KLRK1: variants seen among roughly 807,000 people sequenced by gnomAD.
KLRK1 encodes the protein NKG2-D type II integral membrane protein.
Under a neutral mutation model 31.3 loss-of-function variants are expected in KLRK1, and 40 were observed. That is an observed-to-expected ratio of 1.28 (90% CI 0.99 to 1.67). The LOEUF is 1.67. KLRK1 is among the 40% of genes most tolerant of loss of function. KLRK1 has a pLI of 0.00. For missense variants in KLRK1, 251 were observed against 260.0 expected (o/e 0.97, Z 0.24); for synonymous variants, 77 against 77.3 (o/e 1.00, Z 0.02).
chr12:10,385,371 C>CACACACACACACACACAA (rs1863149115), intron 3 of KLRK1, among the ~76,000 whole-genome samples: 1 of 125,778 alleles, frequency 8.0e-6, no homozygotes, highest in African/African-American at 3.5e-5. Context: ...CACACAGACA[C>CACACACACACACACACAA]ACACACACAC....
intron 6 of KLRK1, 121 bp downstream of exon 6, chr12:10,378,433 A>G (rs948368310): frequency 1.4e-6 from 2 of 1,472,858 alleles, no homozygotes; most frequent in African/African-American, 2.9e-5. Context: ...AGAAAGATTT[A>G]GGGTTGGTAT....
Position 10,372,666 on chromosome 12 carries a change from ATGACCCCC to A in KLRK1, c.*440_*447del. On this transcript the variant is annotated 3_prime_UTR_variant, in exon 8 of 8. Transcript: ENST00000240618. ...TGGAGGACCCATTAAAAGTGGCAGC[ATGACCCCC>A]ACAGGCAGGGAAGGCACTGCCCATG... is the stretch of plus-strand genomic sequence containing the variant. 1 of 191,764 alleles carries A rather than the reference ATGACCCCC, an allele frequency of 5.2e-6. No individual in the cohort carries two copies. Among genetic ancestry groups the A allele is most frequent in the Non-Finnish European group, 1.0e-5 (1 of 95,430 alleles). The allele number at this position is 191,764 out of a possible 1,614,324, so 11.9% of individuals were successfully genotyped here. A position where few individuals can be genotyped will look rare whatever the true frequency, so the allele number is the denominator to read the frequency against.
At chr12:10,388,648 T>C in intron 2 of KLRK1, 123 bp downstream of exon 2, 1 of 1,141,522 alleles carries the variant, frequency 8.8e-7, no homozygotes, top group Non-Finnish European at 1.2e-6. Context: ...GAAATCAACA[T>C]AAATAGAACA....
intron 3 of KLRK1, among the ~76,000 whole-genome samples, chr12:10,380,059 G>GTTTT (rs1162094591): frequency 1.1e-3 from 89 of 83,706 alleles, no homozygotes; most frequent in Middle Eastern, 9.4e-3. Flanking sequence ...TGTTGTTATT[G>GTTTT]TTTTTTTTTT....
At chr12:10,382,822 C>T (rs1423175825) in intron 3 of KLRK1, among the ~76,000 whole-genome samples, 1 of 152,154 alleles carries the variant, frequency 6.6e-6, no homozygotes, top group Non-Finnish European at 1.5e-5. Flanking sequence ...TAAATCCATA[C>T]AAACATAAGT....
At position 10,375,030 on chromosome 12, in the gene KLRK1, A is replaced by AAT. The variant is rs1862937951; in HGVS notation, c.534-1801_534-1800dup. 4.9e-5 allele frequency among the ~76,000 whole-genome samples: 5 copies of AAT among 101,892 alleles called. No homozygotes were observed. The South Asian group carries it at 1.4e-3, about 29-fold the overall frequency. 66.8% of individuals were successfully genotyped at this position (101,892 alleles called of 152,430 possible). ...ATAAACTCTTATTTTTTAGAGAATC[A>AAT]ATGTTTTTTCTGTTAAAAAAACTCT... On this transcript the variant is annotated intron_variant, in intron 7 of 7. Coordinates refer to ENST00000240618, the MANE Select transcript of KLRK1 (RefSeq NM_007360.4).
chr12:10,388,721 C>G (rs368627631), intron 2 of KLRK1, 50 bp downstream of exon 2: 5 of 1,611,680 alleles, frequency 3.1e-6, no homozygotes, highest in Non-Finnish European at 4.2e-6. Context: ...TTCTTGGTAT[C>G]TTAAAATTGT....
At chr12:10,386,209 G>C (rs1863164777) in intron 3 of KLRK1, among the ~76,000 whole-genome samples, 1 of 151,824 alleles carries the variant, frequency 6.6e-6, no homozygotes, top group Non-Finnish European at 1.5e-5. Context: ...GCATATTTTT[G>C]AGTCTCTCTC....
chr12:10,378,237 T>G lies in KLRK1; in HGVS notation c.430-2A>C. The G allele has an allele frequency of 6.2e-7, 1 of 1,610,090 alleles. No homozygotes were observed. Among genetic ancestry groups the G allele is most frequent in the Non-Finnish European group, 8.5e-7 (1 of 1,178,778 alleles). On this transcript the variant is annotated splice_acceptor_variant, in intron 6 of 7. Coordinates refer to ENST00000240618, the MANE Select transcript of KLRK1 (RefSeq NM_007360.4). LOFTEE classifies it high-confidence loss of function. ...TGACTTCACCAGTTTAAGTAAATCC[T>G]GTTTGAAACCACAAATAAACTATAA...
chr12:10,373,354 T>G, intron 7 of KLRK1, 123 bp from the exon 8 acceptor site: 4 of 692,444 alleles, frequency 5.8e-6, no homozygotes, highest in South Asian at 2.6e-5. Context: ...TTATGGACCA[T>G]GCCTGGTCCT....
At position 10,388,821 on chromosome 12, in the gene KLRK1, T is replaced by C. The variant is rs557213912; in HGVS notation, c.-11A>G. 2.1e-5 allele frequency: 34 copies of C among 1,613,942 alleles called. No individual in the cohort carries two copies. The highest frequency in any genetic ancestry group is 1.8e-4 in the South Asian group (16 of 91,080). On this transcript the variant is annotated 5_prime_UTR_variant, in exon 2 of 8. Transcript: ENST00000240618. ...ACGAATCCACCCCATCAAATACTTA[T>C]AAGTGCACGTCTACCGCAGAGAGGA...
chr12:10,373,372 A>T lies in KLRK1; in HGVS notation c.534-141T>A, dbSNP rs1028807812. ...TGGACCATGCCTGGTCCTAATTCAT[A>T]AACAAAATATAGCCAACTCAGATAA... On this transcript the variant is annotated intron_variant, in intron 7 of 7. Transcript: ENST00000240618. 5.4e-6 allele frequency: 3 copies of T among 553,874 alleles called. No homozygotes were observed. In the African/African-American group the frequency reaches 5.9e-5, roughly 11 times the overall value. 34.3% of individuals were successfully genotyped at this position (553,874 alleles called of 1,614,324 possible).
rs1188293584 is a variant in KLRK1 at position 10,373,170 on chromosome 12, A to AGCCT, written c.591_594dup (p.Tyr199ArgfsTer44). The AGCCT allele has an allele frequency of 4.3e-6, 7 of 1,611,900 alleles. No individual in the cohort carries two copies. The African/African-American group carries it at 9.4e-5, about 22-fold the overall frequency. On this transcript the variant is annotated frameshift_variant, in exon 8 of 8. Transcript: ENST00000240618. LOFTEE classifies it high-confidence loss of function. Reference sequence around the variant, plus strand: ...TTTGGAGTTGAACAGTTTTCTATATAGCCTTTAAAGCTCGAGGCATAGAGT... The same window carrying AGCCT: ...TTTGGAGTTGAACAGTTTTCTATATAGCCTGCCTTTAAAGCTCGAGGCATAGAGT...
At chr12:10,377,403 A>G (rs1361395964) in intron 7 of KLRK1, among the ~76,000 whole-genome samples, 1 of 152,260 alleles carries the variant, frequency 6.6e-6, no homozygotes, top group Non-Finnish European at 1.5e-5. Context: ...GTAATGATCA[A>G]TAACTGGGAA....
chr12:10,373,043 T>G lies in KLRK1; in HGVS notation c.*71A>C. The G allele has an allele frequency of 7.4e-7, 1 of 1,349,458 alleles. No individual in the cohort carries two copies. Among genetic ancestry groups the G allele is most frequent in the Non-Finnish European group, 1.0e-6 (1 of 960,516 alleles). The allele number at this position is 1,349,458 out of a possible 1,614,324, so 83.6% of individuals were successfully genotyped here. A position where few individuals can be genotyped will look rare whatever the true frequency, so the allele number is the denominator to read the frequency against. ...CTGTTTTTGTTTGTTTCCTTTAGTC[T>G]CAGTTGGCAGTGTTACCGCTGGTGT... On this transcript the variant is annotated 3_prime_UTR_variant, in exon 8 of 8. Transcript: ENST00000240618.
At chr12:10,389,180 C>T (rs1302500693) in intron 1 of KLRK1, among the ~76,000 whole-genome samples, 1 of 152,164 alleles carries the variant, frequency 6.6e-6, no homozygotes, top group Non-Finnish European at 1.5e-5. Flanking sequence ...ACCCAGTTTT[C>T]TGTTTATAGT....
intron 2 of KLRK1, 55 bp from the exon 3 acceptor site, chr12:10,387,065 C>T: frequency 7.0e-7 from 1 of 1,435,274 alleles, no homozygotes; most frequent in South Asian, 1.3e-5. Context: ...CCATTTGGGG[C>T]ATAAATTTTA....
rs138974293 is a variant in KLRK1, at chr12:10,378,021, A to G, written c.533+111T>C. The G allele has an allele frequency of 4.3e-4, 496 of 1,146,816 alleles. 2 individuals are homozygous for G. The African/African-American group carries it at 6.1e-3, about 14-fold the overall frequency. 71.0% of individuals were successfully genotyped at this position (1,146,816 alleles called of 1,614,324 possible). ...GGCCTAAGCACTTTTTACTAAATCT[A>G]TTAGAATGTGCAAATGTCCTGGGAT... On this transcript the variant is annotated intron_variant, in intron 7 of 7. Transcript: ENST00000240618.
chr12:10,381,138 C>T (rs1863066883), intron 3 of KLRK1, among the ~76,000 whole-genome samples: 1 of 151,948 alleles, frequency 6.6e-6, no homozygotes, highest in Non-Finnish European at 1.5e-5. Context: ...GAGAGTCATG[C>T]ATGCGCCCCC....
Sources: allele counts gnomAD v4.1 joint callset (sites outside exome capture counted in the v4.1 genomes callset), GRCh38; gene constraint gnomAD v4.1.1; transcripts MANE v1.5; gene names NCBI Gene and HGNC (gene_info 2026-07-23, HGNC 2026-07-21).